The following CDK13 variants were observed in gnomAD, a reference collection of about 807,000 sequenced individuals.
The protein encoded by CDK13 is cyclin-dependent kinase 13.
Under a neutral mutation model 137.6 loss-of-function variants are expected in CDK13, and 40 were observed. That is an observed-to-expected ratio of 0.29 (90% CI 0.23 to 0.38). The LOEUF (loss-of-function observed/expected upper bound fraction) is 0.38. Among genes scored for constraint, CDK13 ranks in the 10% least tolerant of loss-of-function variants. The probability of loss-of-function intolerance (pLI) is 1.00; values close to 1 mark genes in which losing one functional copy is unlikely to be tolerated. For synonymous variants in CDK13, 869 were observed against 760.1 expected (o/e 1.14, Z -2.36); for missense variants, 1,704 against 1,951.8 (o/e 0.87, Z 2.39).
At chr7:39,974,172 C>T (rs1185538053) in intron 1 of CDK13, among the ~76,000 whole-genome samples, 1 of 152,100 alleles carries the variant, frequency 6.6e-6, no homozygotes, top group Non-Finnish European at 1.5e-5. Flanking sequence ...TTTGTTTCAT[C>T]ACTACAGAAC....
rs146860948 is a variant in CDK13, at chr7:40,068,434, G to A, written c.2780+5334G>A. ...TAGTTGGTCAGGCACAATGGCTCAC[G>A]CCTCTAGTCCCAACACTTTGGGAGG... On this transcript the variant is annotated intron_variant, in intron 9 of 13. Transcript: ENST00000181839. Among the ~76,000 whole-genome samples the A allele has an allele frequency of 1.3e-3, 197 of 152,008 alleles. No individual in the cohort carries two copies. The East Asian group carries it at 0.029, about 22-fold the overall frequency.
At chr7:39,974,556 CTTTTTTTTTTT>C (rs59844316) in intron 1 of CDK13, among the ~76,000 whole-genome samples, 1 of 132,994 alleles carries the variant, frequency 7.5e-6, no homozygotes, top group Non-Finnish European at 1.6e-5. Context: ...TTCTTTTTTT[CTTTTTTTTTTT>C]TTTTTTTTGT....
chr7:39,950,596 G>C lies in CDK13; in HGVS notation c.-46G>C, dbSNP rs1466024985. ...GGGGGAGATGGCCAGGATCTGACCC[G>C]GGAGGAGGCCGCACCCGCGCCGCGC... On this transcript the variant is annotated 5_prime_UTR_variant, in exon 1 of 14. Coordinates refer to ENST00000181839, the MANE Select transcript of CDK13 (RefSeq NM_003718.5). 3 of 1,292,496 alleles carry C rather than the reference G, an allele frequency of 2.3e-6. No homozygotes were observed. Among genetic ancestry groups the C allele is most frequent in the Middle Eastern group, 3.0e-4 (1 of 3,388 alleles). The allele number at this position is 1,292,496 out of a possible 1,614,324, so 80.1% of individuals were successfully genotyped here. A position where few individuals can be genotyped will look rare whatever the true frequency, so the allele number is the denominator to read the frequency against.
intron 1 of CDK13, chr7:39,985,326 G>A (rs753719836): frequency 1.9e-5 from 3 of 155,254 alleles, no homozygotes; most frequent in Non-Finnish European, 4.2e-5. Flanking sequence ...TGGCTGAATA[G>A]TACTAGATTG....
chr7:39,965,032 C>T (rs1369573969), intron 1 of CDK13, among the ~76,000 whole-genome samples: 1 of 152,092 alleles, frequency 6.6e-6, no homozygotes, highest in Non-Finnish European at 1.5e-5. Flanking sequence ...CTGAGGAGTG[C>T]TTTACTTCCA....
chr7:40,040,175 C>T (rs1401100868), intron 5 of CDK13, among the ~76,000 whole-genome samples: 1 of 152,132 alleles, frequency 6.6e-6, no homozygotes, highest in East Asian at 1.9e-4. Context: ...CCACACCTGG[C>T]TAATTTTTTG....
intron 1 of CDK13, among the ~76,000 whole-genome samples, chr7:39,955,717 T>G (rs1324537927): frequency 6.6e-6 from 1 of 152,168 alleles, no homozygotes; most frequent in Non-Finnish European, 1.5e-5. Context: ...GGTTTAAATC[T>G]TGTGGATGTT....
chr7:39,950,752 G>A lies in CDK13; in HGVS notation c.111G>A (p.Pro37=), dbSNP rs1205646407. 1 of 1,475,558 alleles carries A rather than the reference G, an allele frequency of 6.8e-7. No individual in the cohort carries two copies. Among genetic ancestry groups the A allele is most frequent in the Non-Finnish European group, 8.9e-7 (1 of 1,120,930 alleles). The allele number at this position is 1,475,558 out of a possible 1,614,324, so 91.4% of individuals were successfully genotyped here. The change falls in exon 1 of 14, where the codon CCG becomes CCA. Residue 37 remains proline (P), a synonymous_variant. Transcript: ENST00000181839. ...KRRRFLSPQQ[P]PLLLPLLQPQ... ...GGCGATTCCTGTCCCCTCAGCAGCCGCCGCTGCTGTTGCCGCTCCTGCAGC... is the reference window on the plus strand; with the variant it reads ...GGCGATTCCTGTCCCCTCAGCAGCCACCGCTGCTGTTGCCGCTCCTGCAGC...
chr7:40,027,655 C>CTTTTTT (rs761581418), intron 5 of CDK13, among the ~76,000 whole-genome samples: 2 of 89,718 alleles, frequency 2.2e-5, no homozygotes, highest in African/African-American at 1.1e-4. Context: ...CACCCTTGGG[C>CTTTTTT]TTTTTTTTTT....
chr7:39,953,545 T>A, intron 1 of CDK13, among the ~76,000 whole-genome samples: 1 of 152,326 alleles, frequency 6.6e-6, no homozygotes, highest in East Asian at 1.9e-4. Context: ...ATGAAATATA[T>A]AATCGTGGTA....
chr7:39,970,328 A>T (rs935381108), intron 1 of CDK13, among the ~76,000 whole-genome samples: 3 of 151,784 alleles, frequency 2.0e-5, no homozygotes, highest in South Asian at 2.1e-4. Flanking sequence ...GTCCAAAAAA[A>T]TTTTTGCCTA....
intron 9 of CDK13, chr7:40,068,082 CTG>C (rs1343443870): frequency 1.7e-5 from 2 of 119,170 alleles, no homozygotes; most frequent in Non-Finnish European, 3.3e-5. Flanking sequence ...GCGATTGAGA[CTG>C]TCTCAAAAAA....
At chr7:40,064,614 G>A (rs947437727) in intron 9 of CDK13, among the ~76,000 whole-genome samples, 4 of 152,010 alleles carry the variant, frequency 2.6e-5, no homozygotes, top group African/African-American at 9.7e-5. Context: ...CCTAGTTAGA[G>A]CCTGCTTCTT....
At chr7:39,970,163 C>T (rs1408023650) in intron 1 of CDK13, among the ~76,000 whole-genome samples, 1 of 151,910 alleles carries the variant, frequency 6.6e-6, no homozygotes, top group Non-Finnish European at 1.5e-5. Flanking sequence ...TGCCATCACG[C>T]CCAGCTAAAT....
chr7:39,967,311 C>T (rs543019751), intron 1 of CDK13, among the ~76,000 whole-genome samples: 1 of 152,124 alleles, frequency 6.6e-6, no homozygotes, highest in African/African-American at 2.4e-5. Flanking sequence ...CCTGTAGTTC[C>T]AGATACTTGT....
At chr7:40,083,077 TG>T (rs1207509141) in intron 11 of CDK13, among the ~76,000 whole-genome samples, 1 of 147,248 alleles carries the variant, frequency 6.8e-6, no homozygotes, top group East Asian at 2.0e-4. Context: ...CGCTCCAGCT[TG>T]GGCAACAGAG....
chr7:40,049,962 A>G (rs1294738187), intron 7 of CDK13, among the ~76,000 whole-genome samples: 1 of 151,996 alleles, frequency 6.6e-6, no homozygotes, highest in African/African-American at 2.4e-5. Flanking sequence ...CGTATATGCC[A>G]CATTTTCCTT....
intron 5 of CDK13, among the ~76,000 whole-genome samples, chr7:40,021,114 T>TACACACACACACACACACACACACAC (rs1261518119): frequency 1.1e-5 from 1 of 94,688 alleles, no homozygotes; most frequent in African/African-American, 3.9e-5. Context: ...TATATATATA[T>TACACACACACACACACACACACACAC]ATATATATAC....
chr7:40,005,428 T>TA (rs754828226), intron 5 of CDK13, among the ~76,000 whole-genome samples: 4 of 151,810 alleles, frequency 2.6e-5, no homozygotes, highest in Non-Finnish European at 5.9e-5. Context: ...TAGCCAGCAT[T>TA]ACAGGTGTGT....
Sources: gnomAD v4.1 joint callset for allele counts (sites outside exome capture counted in the v4.1 genomes callset) on GRCh38, gnomAD v4.1.1 for gene constraint, MANE v1.5 for transcripts, NCBI Gene and HGNC (gene_info 2026-07-23, HGNC 2026-07-21) for gene names.